CHODL: variants seen among roughly 807,000 people sequenced by gnomAD.
CHODL encodes chondrolectin.
CHODL carries 29 observed loss-of-function variants against 34.5 expected under a neutral mutation model. The observed-to-expected ratio is 0.84, with a 90% CI of 0.63 to 1.15. The LOEUF (loss-of-function observed/expected upper bound fraction) is 1.15. CHODL is among the 50% of genes most tolerant of loss of function. The pLI is 0.00. For missense variants in CHODL, 332 were observed against 332.5 expected, an observed-to-expected ratio of 1.00 and a Z score of 0.01; for synonymous variants, 125 against 116.1, an observed-to-expected ratio of 1.08 and a Z score of -0.49.
intron 1 of CHODL, among the ~76,000 whole-genome samples, chr21:17,926,739 G>A (rs1192390697): frequency 2.6e-5 from 4 of 152,136 alleles, no homozygotes; most frequent in African/African-American, 9.7e-5. Context: ...AATTCAAGAT[G>A]AGATTTTGGG....
Position 18,084,920 on chromosome 21 carries a change from A to AGTGTGTGTGTGTGT in CHODL, c.-45+56977_-45+56990dup, listed in dbSNP as rs376876845. Among the ~76,000 whole-genome samples the AGTGTGTGTGTGTGT allele has an allele frequency of 5.9e-5, 5 of 85,322 alleles. No homozygotes were observed. In the East Asian group the frequency reaches 9.0e-4, roughly 15 times the overall value. 56.0% of individuals were successfully genotyped at this position (85,322 alleles called of 152,430 possible). ...TATCTCTTTTGTTAGGTCTAGTAAT[A>AGTGTGTGTGTGTGT]GTGTGTGTGTGTGTGTGTGTGTGTG... On this transcript the variant is annotated intron_variant, in intron 2 of 6. Transcript: ENST00000400127.
At chr21:18,047,553 G>A (rs917968574) in intron 2 of CHODL, among the ~76,000 whole-genome samples, 2 of 151,882 alleles carry the variant, frequency 1.3e-5, no homozygotes, top group African/African-American at 4.8e-5. Flanking sequence ...GAGCACAGCA[G>A]TTTAGCCGTT....
intron 1 of CHODL, among the ~76,000 whole-genome samples, chr21:18,253,696 G>T (rs758730824): frequency 1.3e-5 from 2 of 151,982 alleles, no homozygotes; most frequent in Non-Finnish European, 2.9e-5. Flanking sequence ...GTTAATTTGG[G>T]ACTTTCATGA....
intron 2 of CHODL, among the ~76,000 whole-genome samples, chr21:18,180,143 G>T (rs1362896596): frequency 6.6e-6 from 1 of 152,092 alleles, no homozygotes; most frequent in Non-Finnish European, 1.5e-5. Context: ...ATTAGTATTG[G>T]TAACATCCTT....
intron 2 of CHODL, among the ~76,000 whole-genome samples, chr21:18,069,610 A>G (rs1289148912): frequency 6.6e-6 from 1 of 151,946 alleles, no homozygotes; most frequent in African/African-American, 2.4e-5. Flanking sequence ...TGCGTCCAAG[A>G]GTGGTTTGGG....
At chr21:17,937,322 G>T (rs748377982) in intron 1 of CHODL, among the ~76,000 whole-genome samples, 2 of 152,080 alleles carry the variant, frequency 1.3e-5, no homozygotes, top group Non-Finnish European at 2.9e-5. Flanking sequence ...TTACAGGATT[G>T]CCAAACACAG....
At chr21:18,104,162 A>G (rs1601008067) in intron 2 of CHODL, among the ~76,000 whole-genome samples, 1 of 152,204 alleles carries the variant, frequency 6.6e-6, no homozygotes, top group East Asian at 1.9e-4. Flanking sequence ...AGCATTCAAA[A>G]TAGCAGTGAA....
At chr21:18,104,612 T>G (rs754502090) in intron 2 of CHODL, among the ~76,000 whole-genome samples, 1 of 152,156 alleles carries the variant, frequency 6.6e-6, no homozygotes, top group African/African-American at 2.4e-5. Flanking sequence ...TAGGCCAATA[T>G]AGGACTGGAC....
At chr21:18,145,435 CA>C (rs10671177) in intron 2 of CHODL, among the ~76,000 whole-genome samples, 14,406 of 60,564 alleles carry the variant, frequency 0.24, 1,249 homozygotes, top group South Asian at 0.35. Context: ...GACTACCTTT[CA>C]AAAAAAAAAA....
At chr21:18,177,969 G>T (rs554041124) in intron 2 of CHODL, among the ~76,000 whole-genome samples, 316 of 152,166 alleles carry the variant, frequency 2.1e-3, no homozygotes, top group African/African-American at 7.5e-3. Context: ...TGAGAGCACT[G>T]CTGTGATGTT....
In CHODL at chr21:17,939,477, C is replaced by G. The variant is rs184704106; in HGVS notation, c.-145+22077C>G. On this transcript the variant is annotated intron_variant, in intron 1 of 6. Transcript: ENST00000400127. ...AACACATTTTCTTTATCCATTTCAT[C>G]TGTCAGTGAACATTAAAAACAATAA... Among the ~76,000 whole-genome samples, 181 of 152,246 alleles carry G rather than the reference C, an allele frequency of 1.2e-3. 2 individuals are homozygous for G. The highest frequency in any genetic ancestry group is 1.8e-3 in the Non-Finnish European group (124 of 68,008).
chr21:18,239,344 G>A (rs546280612), intron 2 of CHODL, among the ~76,000 whole-genome samples: 5 of 152,164 alleles, frequency 3.3e-5, no homozygotes, highest in African/African-American at 9.6e-5. Context: ...TGGCATGTGA[G>A]CTACTTACGC....
In CHODL at chr21:18,032,310, T is replaced by C. The variant is rs189553221; in HGVS notation, c.-45+4339T>C. Among the ~76,000 whole-genome samples the C allele has an allele frequency of 2.1e-4, 32 of 152,238 alleles. 1 individual carries two copies. In the East Asian group the frequency reaches 3.9e-3, roughly 18 times the overall value. On this transcript the variant is annotated intron_variant, in intron 2 of 6. Coordinates refer to the CHODL transcript ENST00000400127. The stretch of plus-strand genomic sequence containing the variant: ...TTCAATATATACATGTTTCAAAATA[T>C]GTATATCATAAATGTATACAATTTT...
At chr21:18,033,245 G>C (rs987095780) in intron 2 of CHODL, among the ~76,000 whole-genome samples, 1 of 151,910 alleles carries the variant, frequency 6.6e-6, no homozygotes, top group East Asian at 1.9e-4. Context: ...CAATAAAAGC[G>C]GTGACCTGCA....
rs576916230 is a variant in CHODL at position 17,992,403 on chromosome 21, G to A, written c.-144-35469G>A. 5.6e-4 allele frequency among the ~76,000 whole-genome samples: 85 copies of A among 152,232 alleles called. 1 individual carries two copies. Among genetic ancestry groups the A allele is most frequent in the African/African-American group, 2.0e-3 (84 of 41,536 alleles). On this transcript the variant is annotated intron_variant, in intron 1 of 6. Transcript: ENST00000400127. The stretch of plus-strand genomic sequence containing the variant: ...AATCTGTAGATTGCTTTGGGCAGTG[G>A]TGGTCATTTTAACAATGTTAATTCT...
At chr21:17,957,519 A>C (rs1177004746) in intron 1 of CHODL, among the ~76,000 whole-genome samples, 1 of 152,146 alleles carries the variant, frequency 6.6e-6, no homozygotes, top group Non-Finnish European at 1.5e-5. Flanking sequence ...GTTATGAAGA[A>C]AATCCACTGT....
At chr21:17,995,595 TCAGC>T (rs2063841477) in intron 1 of CHODL, among the ~76,000 whole-genome samples, 1 of 152,194 alleles carries the variant, frequency 6.6e-6, no homozygotes, top group Non-Finnish European at 1.5e-5. Context: ...ATGTCTCTTA[TCAGC>T]CATCTTGAAG....
intron 1 of CHODL, among the ~76,000 whole-genome samples, chr21:17,987,196 G>A (rs2063760164): frequency 6.6e-6 from 1 of 152,116 alleles, no homozygotes; most frequent in African/African-American, 2.4e-5. Flanking sequence ...CCCAATCTCA[G>A]CCAACAGGAG....
intron 1 of CHODL, among the ~76,000 whole-genome samples, chr21:17,929,511 T>C (rs1175254049): frequency 2.0e-5 from 3 of 152,282 alleles, no homozygotes; most frequent in African/African-American, 7.2e-5. Context: ...AGAGAAGTGA[T>C]GGGAATTATG....
Sources: gnomAD v4.1 joint callset for allele counts (sites outside exome capture counted in the v4.1 genomes callset) on GRCh38, gnomAD v4.1.1 for gene constraint, MANE v1.5 for transcripts, NCBI Gene and HGNC (gene_info 2026-07-23, HGNC 2026-07-21) for gene names.